Variants in MTCL1 observed in about 807,000 individuals in gnomAD.
The protein encoded by MTCL1 is microtubule crosslinking factor 1.
A neutral mutation model predicts 141.4 loss-of-function variants in MTCL1; 79 were observed. The observed-to-expected ratio is 0.56, with a 90% CI of 0.47 to 0.67. MTCL1 has a LOEUF of 0.67. MTCL1 is among the 30% of genes least tolerant of loss of function. The pLI, the probability that MTCL1 is intolerant of heterozygous loss-of-function variation, is 0.00. For synonymous variants in MTCL1, 914 were observed against 875.8 expected, an observed-to-expected ratio of 1.04 and a Z score of -0.77; for missense variants, 2,177 against 2,113.9, an observed-to-expected ratio of 1.03 and a Z score of -0.59.
chr18:8,712,493 TGAG>T (rs996087604), upstream of MTCL1, among the ~76,000 whole-genome samples: 3 of 152,258 alleles, frequency 2.0e-5, no homozygotes, highest in Admixed American at 6.5e-5. Context: ...GCTCTGTAGC[TGAG>T]GTGTCTCAGC....
intron 4 of MTCL1, among the ~76,000 whole-genome samples, chr18:8,764,627 G>A (rs1264761455): frequency 4.6e-5 from 7 of 151,100 alleles, no homozygotes; most frequent in East Asian, 3.9e-4. Flanking sequence ...CCCTGCCCCC[G>A]CCCCCCACTT....
At chr18:8,746,703 A>T (rs1192612852) in intron 4 of MTCL1, among the ~76,000 whole-genome samples, 4 of 152,114 alleles carry the variant, frequency 2.6e-5, no homozygotes, top group African/African-American at 9.7e-5. Context: ...TCTCCTGCCC[A>T]TGTTGGTGCA....
intron 4 of MTCL1, 101 bp downstream of exon 3, chr18:8,720,597 C>T (rs1213080679): frequency 5.2e-6 from 6 of 1,156,196 alleles, no homozygotes; most frequent in Non-Finnish European, 7.3e-6. Context: ...CTGGGGTTGG[C>T]AAATCGTGGC....
chr18:8,714,533 T>TG (rs2096114418), upstream of MTCL1, among the ~76,000 whole-genome samples: 1 of 152,134 alleles, frequency 6.6e-6, no homozygotes, highest in Non-Finnish European at 1.5e-5. Context: ...ACAATCATGG[T>TG]GGAAGACAAA....
At chr18:8,718,970 TATTG>T (rs1284682494) in intron 3 of MTCL1, among the ~76,000 whole-genome samples, 2 of 152,198 alleles carry the variant, frequency 1.3e-5, no homozygotes, top group African/African-American at 2.4e-5. Context: ...TTTAAAAATC[TATTG>T]ATTATCAGTG....
intron 4 of MTCL1, among the ~76,000 whole-genome samples, chr18:8,730,220 C>T (rs1374094181): frequency 1.3e-5 from 2 of 152,058 alleles, no homozygotes; most frequent in Admixed American, 6.6e-5. Flanking sequence ...TTTCTTGGTG[C>T]GGAGTCCGTG....
At chr18:8,794,718 C>T (rs752090816) in intron 8 of MTCL1, among the ~76,000 whole-genome samples, 2 of 152,162 alleles carry the variant, frequency 1.3e-5, no homozygotes, top group Non-Finnish European at 2.9e-5. Context: ...GAGTCATGAA[C>T]ATGTTTGCAG....
intron 10 of MTCL1, 104 bp downstream of exon 9, chr18:8,798,395 A>G: frequency 9.8e-7 from 1 of 1,022,480 alleles, no homozygotes; most frequent in South Asian, 2.4e-5. Flanking sequence ...TTCAGGTAGC[A>G]GAAAATTCCA....
exon 15 of MTCL1, chr18:8,825,523 G>T (rs2076994189): frequency 6.2e-7 from 1 of 1,612,270 alleles, no homozygotes; most frequent in Non-Finnish European, 8.5e-7. Flanking sequence ...CGTGGCAGCG[G>T]TGTCACCAGC....
chr18:8,739,155 G>A (rs549211703), intron 4 of MTCL1, among the ~76,000 whole-genome samples: 141 of 152,284 alleles, frequency 9.3e-4, no homozygotes, highest in African/African-American at 3.2e-3. Flanking sequence ...TGAGGCGGAA[G>A]GATCTCTTGA....
chr18:8,778,104 G>C, intron 5 of MTCL1: 1 of 467,680 alleles, frequency 2.1e-6, no homozygotes, highest in Admixed American at 3.8e-5. Flanking sequence ...ACGCTGACAA[G>C]CTGGTGATTT....
chr18:8,831,713 C>T (rs2077197683), exon 17 of MTCL1: 2 of 1,550,700 alleles, frequency 1.3e-6, no homozygotes, highest in African/African-American at 2.7e-5. Context: ...CATTCCCCCA[C>T]TGCCTCACAG....
chr18:8,756,733 T>A (rs1225687697), intron 4 of MTCL1, among the ~76,000 whole-genome samples: 1 of 152,154 alleles, frequency 6.6e-6, no homozygotes, highest in East Asian at 1.9e-4. Flanking sequence ...ATCCAGCCAT[T>A]GTCAGTTCTG....
exon 15 of MTCL1, chr18:8,826,080 T>C (rs761567258): frequency 1.2e-6 from 2 of 1,611,156 alleles, no homozygotes; most frequent in South Asian, 1.1e-5. Context: ...TCCCCCTGGC[T>C]ACACGCTCAC....
chr18:8,757,605 A>G lies in MTCL1; in HGVS notation c.358-20228A>G, dbSNP rs149625275. Among the ~76,000 whole-genome samples, 372 of 152,356 alleles carry G rather than the reference A, an allele frequency of 2.4e-3. 3 individuals carry two copies. Among genetic ancestry groups the G allele is most frequent in the Middle Eastern group, 0.024 (7 of 294 alleles). On this transcript the variant is annotated intron_variant, in intron 4 of 16. Coordinates refer to ENST00000359865, the Ensembl canonical transcript of MTCL1. ...AGTGAGGAGACCCCGGCAGGGATCT[A>G]GAACAGGAAGGGGCGTGTGTGCAAG...
chr18:8,712,528 T>C (rs77164479), upstream of MTCL1, among the ~76,000 whole-genome samples: 7,848 of 152,324 alleles, frequency 0.052, 244 homozygotes, highest in Middle Eastern at 0.16. Context: ...CCCCGCCTCC[T>C]CCTCCTTTCT....
chr18:8,829,254 A>C, intron 16 of MTCL1: 2 of 985,444 alleles, frequency 2.0e-6, no homozygotes, highest in Non-Finnish European at 2.4e-6. Flanking sequence ...CTTTCAGAGA[A>C]TTGAGTAGAT....
intron 12 of MTCL1, among the ~76,000 whole-genome samples, chr18:8,818,496 A>G (rs1184270634): frequency 6.6e-6 from 1 of 152,248 alleles, no homozygotes; most frequent in African/African-American, 2.4e-5. Context: ...CCTGTTCCAC[A>G]TGCCCTGGGG....
chr18:8,744,078 C>T (rs574070290), intron 4 of MTCL1, among the ~76,000 whole-genome samples: 32 of 152,280 alleles, frequency 2.1e-4, no homozygotes, highest in African/African-American at 6.7e-4. Context: ...TTTTATATGT[C>T]TTTAAGATAA....
Sources: gnomAD v4.1 joint callset for allele counts (sites outside exome capture counted in the v4.1 genomes callset) on GRCh38, gnomAD v4.1.1 for gene constraint, MANE v1.5 for transcripts, NCBI Gene and HGNC (gene_info 2026-07-23, HGNC 2026-07-21) for gene names.